TMEM63C: variants seen among roughly 807,000 people sequenced by gnomAD.
The protein encoded by TMEM63C is osmosensitive cation channel TMEM63C.
A neutral mutation model predicts 99.2 loss-of-function variants in TMEM63C; 32 were observed. The ratio of observed to expected loss-of-function variants is 0.32; its 90% CI spans 0.24 to 0.43. TMEM63C has a LOEUF of 0.43. Among genes scored for constraint, TMEM63C ranks in the 20% least tolerant of loss-of-function variants. The pLI is 1.00. For synonymous variants in TMEM63C, 376 were observed against 397.9 expected (o/e 0.94, Z 0.66); for missense variants, 826 against 1,053.0 (o/e 0.78, Z 2.98).
intron 5 of TMEM63C, among the ~76,000 whole-genome samples, chr14:77,220,959 C>CG (rs1888691265): frequency 1.6e-4 from 2 of 12,616 alleles, no homozygotes; most frequent in African/African-American, 4.6e-4. Flanking sequence ...CTCTCGCCTC[C>CG]CCTCCCACTC....
At chr14:77,247,712 T>C (rs1012401598) in intron 18 of TMEM63C, among the ~76,000 whole-genome samples, 1 of 152,188 alleles carries the variant, frequency 6.6e-6, no homozygotes, top group Non-Finnish European at 1.5e-5. Context: ...TTCAAAGATA[T>C]GTTGCAAATG....
chr14:77,214,001 GGGA>G (rs922399188), intron 2 of TMEM63C, among the ~76,000 whole-genome samples: 74 of 152,152 alleles, frequency 4.9e-4, no homozygotes, highest in African/African-American at 1.7e-3. Flanking sequence ...CGCAGGTTCT[GGGA>G]GTGAGCACAA....
At chr14:77,191,547 T>C (rs1184876916) in intron 1 of TMEM63C, among the ~76,000 whole-genome samples, 15 of 113,954 alleles carry the variant, frequency 1.3e-4, no homozygotes, top group African/African-American at 4.0e-4. Context: ...TCTTTTTTTT[T>C]TTTTTTTTTT....
intron 21 of TMEM63C, among the ~76,000 whole-genome samples, chr14:77,250,691 GTTTTC>G (rs1889346267): frequency 6.6e-6 from 1 of 151,976 alleles, no homozygotes; most frequent in Non-Finnish European, 1.5e-5. Flanking sequence ...CCGAGGCAGT[GTTTTC>G]TTTTCTCTCC....
chr14:77,189,926 C>G (rs980127070), intron 1 of TMEM63C, among the ~76,000 whole-genome samples: 5 of 152,154 alleles, frequency 3.3e-5, no homozygotes, highest in Non-Finnish European at 7.3e-5. Context: ...ATCCCCTTCT[C>G]TGATTTCAGC....
At chr14:77,201,060 G>C (rs1566617881) in intron 1 of TMEM63C, 1 of 150,290 alleles carries the variant, frequency 6.7e-6, no homozygotes, top group Non-Finnish European at 1.5e-5. Flanking sequence ...GAGCAAGGTA[G>C]CAGATAGAAA....
intron 5 of TMEM63C, among the ~76,000 whole-genome samples, chr14:77,224,833 T>C (rs920238179): frequency 7.8e-5 from 11 of 140,706 alleles, no homozygotes; most frequent in African/African-American, 3.3e-4. Context: ...CCTTAAGGGA[T>C]TTTTTTTTTT....
Position 77,256,750 on chromosome 14 carries a change from C to T in TMEM63C, c.*24C>T, listed in dbSNP as rs756797648. On this transcript the variant is annotated 3_prime_UTR_variant, in exon 24 of 24. Transcript: ENST00000298351. ...GACCGGGACCTGAGGCCTCCACTGG[C>T]GACTTGTTGAGGGGTCAGGGGAGGG... The T allele has an allele frequency of 1.6e-5, 26 of 1,609,538 alleles. No individual in the cohort carries two copies. Among genetic ancestry groups the T allele is most frequent in the African/African-American group, 6.7e-5 (5 of 74,824 alleles).
At chr14:77,219,001 C>G in intron 3 of TMEM63C, 38 bp downstream of exon 3, 1 of 1,491,824 alleles carries the variant, frequency 6.7e-7, no homozygotes, top group Non-Finnish European at 8.9e-7. Flanking sequence ...ACAGTAAAGC[C>G]TCAGACAGGG....
At chr14:77,199,951 G>A (rs1420687511) in intron 1 of TMEM63C, among the ~76,000 whole-genome samples, 1 of 152,192 alleles carries the variant, frequency 6.6e-6, no homozygotes, top group Admixed American at 6.5e-5. Context: ...AGGACGAGGA[G>A]AGAGAAATCC....
intron 1 of TMEM63C, among the ~76,000 whole-genome samples, chr14:77,206,487 T>TCCC (rs2140100399): frequency 6.6e-6 from 1 of 152,308 alleles, no homozygotes; most frequent in South Asian, 2.1e-4. Context: ...CACCTTGGCT[T>TCCC]CTTGATCTGC....
intron 1 of TMEM63C, among the ~76,000 whole-genome samples, chr14:77,206,577 G>C (rs1888406208): frequency 6.6e-6 from 1 of 152,220 alleles, no homozygotes; most frequent in African/African-American, 2.4e-5. Context: ...TTCTTTCTGA[G>C]TAGGCAGCCT....
At chr14:77,185,601 A>C (rs1391882755) in intron 1 of TMEM63C, among the ~76,000 whole-genome samples, 1 of 152,146 alleles carries the variant, frequency 6.6e-6, no homozygotes, top group Non-Finnish European at 1.5e-5. Context: ...TTGAGGACTC[A>C]TTGCCTTAGG....
chr14:77,241,428 TTCCAGAA>T (rs1889173935), intron 13 of TMEM63C, among the ~76,000 whole-genome samples: 1 of 152,144 alleles, frequency 6.6e-6, no homozygotes, highest in African/African-American at 2.4e-5. Context: ...CTCTGGAATG[TTCCAGAA>T]GGATCCTTAG....
At chr14:77,237,301 C>T (rs753437688) in intron 9 of TMEM63C, among the ~76,000 whole-genome samples, 2 of 152,128 alleles carry the variant, frequency 1.3e-5, no homozygotes, top group South Asian at 4.1e-4. Context: ...GCCCGTGCCT[C>T]GCCCTTCTGC....
chr14:77,250,127 T>A (rs1053256427), intron 21 of TMEM63C, among the ~76,000 whole-genome samples: 2 of 152,172 alleles, frequency 1.3e-5, no homozygotes, highest in African/African-American at 4.8e-5. Context: ...AAGCCGCCGG[T>A]GCCTAGTGGT....
chr14:77,222,628 A>G (rs1259933034), intron 5 of TMEM63C, among the ~76,000 whole-genome samples: 1 of 152,092 alleles, frequency 6.6e-6, no homozygotes, highest in Non-Finnish European at 1.5e-5. Flanking sequence ...TCCCTGCCAC[A>G]TGAGTCCACC....
Position 77,248,697 on chromosome 14 carries a change from G to A in TMEM63C, c.1765-70G>A, listed in dbSNP as rs781504146. ...AGGCCTGAGCTGCCAGGAGGCTGAT[G>A]AGGAGCCACAGAAGTAGTCAAGCCA... On this transcript the variant is annotated intron_variant, in intron 19 of 23. Coordinates refer to ENST00000298351, the MANE Select transcript of TMEM63C (RefSeq NM_020431.4). The A allele has an allele frequency of 4.6e-6, 7 of 1,533,676 alleles. No individual in the cohort carries two copies. The Admixed American group carries it at 1.0e-4, about 22-fold the overall frequency.
At chr14:77,248,617 G>T in intron 19 of TMEM63C, 108 bp downstream of exon 19, 1 of 1,512,960 alleles carries the variant, frequency 6.6e-7, no homozygotes, top group Admixed American at 1.9e-5. Flanking sequence ...GGGACGGTGT[G>T]GATGGGTGTT....
Sources: allele counts gnomAD v4.1 joint callset (sites outside exome capture counted in the v4.1 genomes callset), GRCh38; gene constraint gnomAD v4.1.1; transcripts MANE v1.5; gene names NCBI Gene and HGNC (gene_info 2026-07-23, HGNC 2026-07-21).